Variants in RARB observed in about 807,000 individuals in gnomAD.
The protein encoded by RARB is HBV-activated protein.
A neutral mutation model predicts 51.9 loss-of-function variants in RARB; 17 were observed. That is an observed-to-expected ratio of 0.33 (90% confidence interval 0.22 to 0.49). RARB has a LOEUF of 0.49. RARB is among the 20% of genes least tolerant of loss of function. The pLI, the probability that RARB is intolerant of heterozygous loss-of-function variation, is 0.99. For synonymous variants in RARB, 215 were observed against 195.4 expected, an observed-to-expected ratio of 1.10 and a Z score of -0.84; for missense variants, 369 against 550.8, an observed-to-expected ratio of 0.67 and a Z score of 3.30.
intron 3 of RARB, among the ~76,000 whole-genome samples, chr3:25,509,761 C>A (rs761113501): frequency 3.3e-5 from 5 of 152,162 alleles, no homozygotes; most frequent in Non-Finnish European, 5.9e-5. Flanking sequence ...CAAGGTGAGG[C>A]CATCAGGGTC....
chr3:25,364,024 C>T (rs376578877), intron 5 of RARB, among the ~76,000 whole-genome samples: 4 of 152,340 alleles, frequency 2.6e-5, no homozygotes, highest in African/African-American at 9.6e-5. Context: ...CATTCTCTTT[C>T]AAATTTCAAT....
chr3:25,071,916 A>T (rs983046689), intron 3 of RARB, among the ~76,000 whole-genome samples: 1 of 152,218 alleles, frequency 6.6e-6, no homozygotes, highest in Admixed American at 6.5e-5. Context: ...AAAGCCCTCA[A>T]TGTGATATTT....
chr3:24,901,535 G>A (rs1465896703), intron 2 of RARB, among the ~76,000 whole-genome samples: 1 of 152,134 alleles, frequency 6.6e-6, no homozygotes, highest in Non-Finnish European at 1.5e-5. Context: ...GCCACTGGGC[G>A]CAGTTCAGGG....
intron 5 of RARB, among the ~76,000 whole-genome samples, chr3:25,327,466 A>T (rs1704759642): frequency 1.3e-5 from 2 of 152,194 alleles, no homozygotes; most frequent in African/African-American, 4.8e-5. Context: ...AAAAACAAAA[A>T]GGCAATATTT....
At position 25,489,025 on chromosome 3, in the gene RARB, G is replaced by A. The variant is rs543387056; in HGVS notation, c.307-12157G>A. Among the ~76,000 whole-genome samples the A allele has an allele frequency of 3.4e-3, 517 of 152,310 alleles. 7 individuals are homozygous for A. Among genetic ancestry groups the A allele is most frequent in the African/African-American group, 0.012 (489 of 41,574 alleles). On this transcript the variant is annotated intron_variant, in intron 2 of 7. Transcript: ENST00000330688. ...AGGTAACACTTAAAAAATTAATTGT[G>A]TGTGTTCTGTTAAATGTTCTCCTAC...
chr3:25,401,028 T>C (rs1185992909), intron 5 of RARB, among the ~76,000 whole-genome samples: 1 of 152,154 alleles, frequency 6.6e-6, no homozygotes, highest in Non-Finnish European at 1.5e-5. Flanking sequence ...TTTCTCATTC[T>C]TAGTTTCATA....
intron 2 of RARB, among the ~76,000 whole-genome samples, chr3:25,036,828 G>C (rs1698005136): frequency 6.6e-6 from 1 of 152,132 alleles, no homozygotes; most frequent in Admixed American, 6.5e-5. Context: ...GGGGGATCTG[G>C]CCAGATTCTC....
intron 1 of RARB, among the ~76,000 whole-genome samples, chr3:24,847,060 A>G (rs552316560): frequency 4.6e-5 from 7 of 152,266 alleles, no homozygotes; most frequent in African/African-American, 1.7e-4. Flanking sequence ...TCCTGACTCA[A>G]CAGGTCTGGG....
chr3:24,989,599 G>A lies in RARB; in HGVS notation c.-379-70526G>A, dbSNP rs1460347679. Among the ~76,000 whole-genome samples the A allele has an allele frequency of 3.8e-5, 4 of 106,314 alleles. 2 individuals are homozygous for A. Among genetic ancestry groups the A allele is most frequent in the Non-Finnish European group, 7.5e-5 (4 of 53,008 alleles). 69.7% of individuals were successfully genotyped at this position (106,314 alleles called of 152,430 possible). Reference sequence around the variant, plus strand: ...TTTTTCTGATTATTAGTGAAGTTGAGCGTCATTTTTTAACCAGATTATCTC... The same window carrying A: ...TTTTTCTGATTATTAGTGAAGTTGAACGTCATTTTTTAACCAGATTATCTC... On this transcript the variant is annotated intron_variant, in intron 2 of 11. Transcript: ENST00000383772.
intron 5 of RARB, among the ~76,000 whole-genome samples, chr3:25,389,762 A>G (rs1184942355): frequency 6.6e-6 from 1 of 152,218 alleles, no homozygotes; most frequent in Non-Finnish European, 1.5e-5. Context: ...ATTCACACTA[A>G]TAGAAAGTGC....
chr3:25,205,226 G>T lies in RARB; in HGVS notation c.178+30651G>T, dbSNP rs146548073. Among the ~76,000 whole-genome samples, 616 of 152,298 alleles carry T rather than the reference G, an allele frequency of 4.0e-3. 11 individuals are homozygous for T. The highest frequency in any genetic ancestry group is 0.03 in the East Asian group (155 of 5,166). ...CATGGGCGTAGGACCCTCTGAGCCA[G>T]GCGCGGGATATAATCTCCTGCTGTG... is the stretch of plus-strand genomic sequence containing the variant. On this transcript the variant is annotated intron_variant, in intron 5 of 11. Transcript: ENST00000383772.
chr3:25,172,697 G>A (rs1432492632), intron 4 of RARB, among the ~76,000 whole-genome samples: 1 of 152,046 alleles, frequency 6.6e-6, no homozygotes. Context: ...AAAACCTCTT[G>A]TCTATTCCAG....
intron 2 of RARB, among the ~76,000 whole-genome samples, chr3:24,936,653 G>T (rs372514324): frequency 6.6e-6 from 1 of 152,210 alleles, no homozygotes; most frequent in Admixed American, 6.5e-5. Flanking sequence ...ATAATCAAAA[G>T]TTAACTGTCA....
upstream of RARB, among the ~76,000 whole-genome samples, chr3:25,427,075 G>A (rs535792050): frequency 8.5e-5 from 13 of 152,296 alleles, no homozygotes; most frequent in South Asian, 2.5e-3. Context: ...TATGTGGTGG[G>A]ATGTGTGTAG....
intron 2 of RARB, among the ~76,000 whole-genome samples, chr3:24,900,701 C>T (rs1426140185): frequency 6.6e-6 from 1 of 152,174 alleles, no homozygotes; most frequent in Non-Finnish European, 1.5e-5. Context: ...TGGGATGAGA[C>T]AGCTGATGTA....
chr3:25,453,309 A>T (rs1426619926), intron 1 of RARB, among the ~76,000 whole-genome samples: 1 of 136,730 alleles, frequency 7.3e-6, no homozygotes, highest in Non-Finnish European at 1.5e-5. Context: ...GTGCAATGGC[A>T]CGATCTCGGC....
In RARB at chr3:24,908,663, G is replaced by GTTTTTTTT. The variant is rs59008287; in HGVS notation, c.-380+49929_-380+49936dup. On this transcript the variant is annotated intron_variant, in intron 2 of 11. Coordinates refer to the RARB transcript ENST00000383772. ...TGTAATTCTTGAGGTAACCACAACT[G>GTTTTTTTT]TTTTTTTTTTTTTTTTTTTTTTTTT... Among the ~76,000 whole-genome samples the GTTTTTTTT allele has an allele frequency of 1.6e-3, 148 of 93,440 alleles. 18 individuals carry two copies. Among genetic ancestry groups the GTTTTTTTT allele is most frequent in the Middle Eastern group, 6.8e-3 (1 of 146 alleles). The allele number at this position is 93,440 out of a possible 152,430, so 61.3% of individuals were successfully genotyped here.
chr3:25,125,482 C>T (rs954749153), intron 3 of RARB, among the ~76,000 whole-genome samples: 4 of 151,882 alleles, frequency 2.6e-5, no homozygotes, highest in East Asian at 1.9e-4. Context: ...AGTACTAGGG[C>T]GTATGAAGGA....
At chr3:25,002,097 AT>A (rs1435963369) in intron 2 of RARB, among the ~76,000 whole-genome samples, 2 of 152,072 alleles carry the variant, frequency 1.3e-5, no homozygotes, top group African/African-American at 4.8e-5. Context: ...GGGACAGTGG[AT>A]TTAGGGAGGT....
Sources: gnomAD v4.1 joint callset for allele counts (sites outside exome capture counted in the v4.1 genomes callset) on GRCh38, gnomAD v4.1.1 for gene constraint, MANE v1.5 for transcripts, NCBI Gene and HGNC (gene_info 2026-07-23, HGNC 2026-07-21) for gene names.